KCNA2: variants seen among roughly 807,000 people sequenced by gnomAD.
KCNA2 encodes the protein potassium channel, voltage gated shaker related subfamily A, member 2.
Under a neutral mutation model 33.4 loss-of-function variants are expected in KCNA2, and 11 were observed. That is an observed-to-expected ratio of 0.33 (90% CI 0.21 to 0.55). The LOEUF (loss-of-function observed/expected upper bound fraction) is 0.55, where lower values mean the gene tolerates loss of function less well. Ranked by LOEUF, KCNA2 falls within the 20% of genes least tolerant of loss-of-function variation. The pLI is 0.93. For synonymous variants in KCNA2, 222 were observed against 231.3 expected (o/e 0.96, Z 0.37); for missense variants, 291 against 621.6 (o/e 0.47, Z 5.66).
In KCNA2 at chr1:110,601,259, G is replaced by C; in HGVS notation, c.*2024C>G. 1.0e-6 allele frequency: 1 copy of C among 985,336 alleles called. No homozygotes were observed. Among genetic ancestry groups the C allele is most frequent in the Non-Finnish European group, 1.2e-6 (1 of 829,922 alleles). 61.0% of individuals were successfully genotyped at this position (985,336 alleles called of 1,614,324 possible). A position where few individuals can be genotyped will look rare whatever the true frequency, so the allele number is the denominator to read the frequency against. Reference sequence around the variant, plus strand: ...TCTAGGGACTCCATCACTTAGTCCCGGACTTCAGACATTTCCACATAGAGG... The same window carrying C: ...TCTAGGGACTCCATCACTTAGTCCCCGACTTCAGACATTTCCACATAGAGG... On this transcript the variant is annotated 3_prime_UTR_variant, in exon 3 of 3. Transcript: ENST00000316361.
chr1:110,601,794 ATGTGTGTGTGTGTGTGTGTGTG>A lies in KCNA2; in HGVS notation c.*1467_*1488del, dbSNP rs35728918. The A allele has an allele frequency of 2.4e-6, 2 of 840,440 alleles. No individual in the cohort carries two copies. Among genetic ancestry groups the A allele is most frequent in the Non-Finnish European group, 3.0e-6 (2 of 673,442 alleles). 52.1% of individuals were successfully genotyped at this position (840,440 alleles called of 1,614,324 possible). A position where few individuals can be genotyped will look rare whatever the true frequency, so the allele number is the denominator to read the frequency against. The stretch of plus-strand genomic sequence containing the variant: ...AGAAAATGAATATATATATATATAT[ATGTGTGTGTGTGTGTGTGTGTG>A]TGTGTGTGTGTGTATACATATACAC... On this transcript the variant is annotated 3_prime_UTR_variant, in exon 3 of 3. Coordinates refer to ENST00000316361, the MANE Select transcript of KCNA2 (RefSeq NM_004974.4).
chr1:110,623,923 A>C (rs1271496873), intron 1 of KCNA2, among the ~76,000 whole-genome samples: 2 of 115,014 alleles, frequency 1.7e-5, no homozygotes, highest in Non-Finnish European at 3.2e-5. Context: ...CAGTGAAGCC[A>C]AAAAAAAAAA....
At chr1:110,622,084 T>C (rs368959438) in intron 1 of KCNA2, among the ~76,000 whole-genome samples, 3 of 152,068 alleles carry the variant, frequency 2.0e-5, no homozygotes, top group South Asian at 4.1e-4. Flanking sequence ...TTCATGAACA[T>C]AGACGTACAA....
At position 110,602,055 on chromosome 1, in the gene KCNA2, C is replaced by G. The variant is rs1460773760; in HGVS notation, c.*1228G>C. 6.5e-7 allele frequency: 1 copy of G among 1,550,364 alleles called. No individual in the cohort carries two copies. Among genetic ancestry groups the G allele is most frequent in the African/African-American group, 1.4e-5 (1 of 73,010 alleles). ...CTGCCTGTCATCAGGACCAGATGCC[C>G]TGGTCCACTGTACAGTCATGCCCGC... On this transcript the variant is annotated 3_prime_UTR_variant, in exon 3 of 3. Coordinates refer to ENST00000316361, the MANE Select transcript of KCNA2 (RefSeq NM_004974.4).
intron 1 of KCNA2, among the ~76,000 whole-genome samples, chr1:110,629,991 A>G (rs1364741003): frequency 6.8e-6 from 1 of 147,816 alleles, no homozygotes; most frequent in Non-Finnish European, 1.5e-5. Context: ...GTGAGTTAAC[A>G]TCTCTAAGTG....
In KCNA2 at chr1:110,604,970, CA is replaced by C; in HGVS notation, c.-163-26del. ...GCTGAAAGACAGAGGCAGTTATTGACATGAGGCTACTCAGCATTGGCAGCCT... is the reference window on the plus strand; with the variant it reads ...GCTGAAAGACAGAGGCAGTTATTGACTGAGGCTACTCAGCATTGGCAGCCT... On this transcript the variant is annotated intron_variant, in intron 2 of 2. Coordinates refer to ENST00000316361, the MANE Select transcript of KCNA2 (RefSeq NM_004974.4). The surrounding 1 kb of genome is among the most constrained non-coding windows in gnomAD (Gnocchi z 7.6). The C allele has an allele frequency of 1.6e-6, 1 of 606,378 alleles. No homozygotes were observed. Among genetic ancestry groups the C allele is most frequent in the East Asian group, 2.8e-5 (1 of 35,122 alleles). 37.6% of individuals were successfully genotyped at this position (606,378 alleles called of 1,614,324 possible).
At position 110,603,652 on chromosome 1, in the gene KCNA2, A is replaced by T; in HGVS notation, c.1131T>A (p.Tyr377Ter). The T allele has an allele frequency of 6.2e-7, 1 of 1,614,170 alleles. No homozygotes were observed. Among genetic ancestry groups the T allele is most frequent in the Non-Finnish European group, 8.5e-7 (1 of 1,180,042 alleles). ...CAATGGTAGTCGGAACCATGTCTCCATAGCCTACAGTTGTCATGGAGACGA... is the reference window on the plus strand; with the variant it reads ...CAATGGTAGTCGGAACCATGTCTCCTTAGCCTACAGTTGTCATGGAGACGA... Reference protein sequence around the residue: ...WAVVSMTTVGYGDMVPTTIGG... With the variant: ...WAVVSMTTVG Residue 377 changes from tyrosine to a stop codon, truncating the protein, a stop_gained, in exon 3 of 3, where the codon TAT becomes TAA. Coordinates refer to ENST00000316361, the MANE Select transcript of KCNA2 (RefSeq NM_004974.4). LOFTEE classifies it high-confidence loss of function. The surrounding 1 kb of genome is among the most constrained non-coding windows in gnomAD (Gnocchi z 5.7).
At chr1:110,610,999 T>C (rs1326197701), upstream of KCNA2, among the ~76,000 whole-genome samples, 1 of 147,956 alleles carries the variant, frequency 6.8e-6, no homozygotes, top group Non-Finnish European at 1.5e-5. Flanking sequence ...CCTTGCTTCA[T>C]AGGGCTTAAA....
upstream of KCNA2, among the ~76,000 whole-genome samples, chr1:110,609,394 T>C (rs1649794474): frequency 6.6e-6 from 1 of 152,204 alleles, no homozygotes; most frequent in South Asian, 2.1e-4. Context: ...CATTTAATTC[T>C]CACAGCCCTA....
rs562012993 is a variant in KCNA2, at chr1:110,622,372, A to G, written c.-496+9023T>C. On this transcript the variant is annotated intron_variant, in intron 1 of 4. Coordinates refer to the KCNA2 transcript ENST00000369770. The stretch of plus-strand genomic sequence containing the variant: ...CCTAATAAAATACATCTATAAAAAA[A>G]CCTGTAGCCAACATTATACTTAATG... Among the ~76,000 whole-genome samples the G allele has an allele frequency of 3.9e-5, 6 of 152,270 alleles. No homozygotes were observed. In the East Asian group the frequency reaches 9.6e-4, roughly 24 times the overall value.
chr1:110,603,748 A>G lies in KCNA2; in HGVS notation c.1035T>C (p.Ala345=). The change falls in exon 3 of 3, where the codon GCT becomes GCC. Residue 345 remains alanine (A), a synonymous_variant. Transcript: ENST00000316361. The surrounding 1 kb of genome is among the most constrained non-coding windows in gnomAD (Gnocchi z 5.7). The part of the protein sequence containing the change: ...LFIGVILFSS[A]VYFAEADERE... ...GCTCATCGGCCTCTGCAAAATACAC[A>G]GCACTAGAGAAAAGGATGACCCCTA... is the stretch of plus-strand genomic sequence containing the variant. The G allele has an allele frequency of 6.2e-7, 1 of 1,613,952 alleles. No homozygotes were observed. The highest frequency in any genetic ancestry group is 8.5e-7 in the Non-Finnish European group (1 of 1,180,028).
chr1:110,599,799 A>C lies in KCNA2; in HGVS notation c.*3484T>G. The C allele has an allele frequency of 5.1e-6, 5 of 985,500 alleles. No homozygotes were observed. In the South Asian group the frequency reaches 2.4e-4, roughly 46 times the overall value. The allele number at this position is 985,500 out of a possible 1,614,324, so 61.0% of individuals were successfully genotyped here. ...AGATCCCAGGTGCTGGGAGAAGGGG[A>C]GCCTGGGCTATTGGGTTGTCTGTGC... On this transcript the variant is annotated 3_prime_UTR_variant, in exon 3 of 3. Transcript: ENST00000316361.
chr1:110,622,465 TAA>T (rs1650284614), intron 1 of KCNA2, among the ~76,000 whole-genome samples: 1 of 152,148 alleles, frequency 6.6e-6, no homozygotes, highest in South Asian at 2.1e-4. Flanking sequence ...CATTTCTATT[TAA>T]GATTCTATTG....
At position 110,603,466 on chromosome 1, in the gene KCNA2, T is replaced by C; in HGVS notation, c.1317A>G (p.Pro439=). ...YLQVTSCPKI[P]SSPDLKKSRS... Reference sequence around the variant, plus strand: ...TACTTTTCTTTAGGTCAGGGGAGGATGGGATCTTTGGACAGCTTGTCACTT... The same window carrying C: ...TACTTTTCTTTAGGTCAGGGGAGGACGGGATCTTTGGACAGCTTGTCACTT... Residue 439 remains proline, a synonymous_variant, in exon 3 of 3, where the codon CCA becomes CCG. Transcript: ENST00000316361. The surrounding 1 kb of genome is among the most constrained non-coding windows in gnomAD (Gnocchi z 5.7). 2 of 1,614,072 alleles carry C rather than the reference T, an allele frequency of 1.2e-6. No homozygotes were observed. Among genetic ancestry groups the C allele is most frequent in the Non-Finnish European group, 1.7e-6 (2 of 1,180,004 alleles).
At chr1:110,623,533 G>C (rs1334267990) in intron 1 of KCNA2, among the ~76,000 whole-genome samples, 1 of 152,152 alleles carries the variant, frequency 6.6e-6, no homozygotes, top group Non-Finnish European at 1.5e-5. Flanking sequence ...ATAGATCCAA[G>C]CTAGGAAAAC....
In KCNA2 at chr1:110,595,024, G is replaced by T; in HGVS notation, c.*8259C>A. 1 of 985,322 alleles carries T rather than the reference G, an allele frequency of 1.0e-6. No homozygotes were observed. The highest frequency in any genetic ancestry group is 1.2e-6 in the Non-Finnish European group (1 of 829,928). The allele number at this position is 985,322 out of a possible 1,614,324, so 61.0% of individuals were successfully genotyped here. ...ATTCACTCATACAAACAAGGCATTC[G>T]GTGTCTAGGGAATCATTTTCAAGGA... On this transcript the variant is annotated 3_prime_UTR_variant, in exon 3 of 3. Transcript: ENST00000316361.
rs1412617319 is a variant in KCNA2, at chr1:110,601,814, G to A, written c.*1469C>T. On this transcript the variant is annotated 3_prime_UTR_variant, in exon 3 of 3. Coordinates refer to ENST00000316361, the MANE Select transcript of KCNA2 (RefSeq NM_004974.4). ...TATATATGTGTGTGTGTGTGTGTGT[G>A]TGTGTGTGTGTGTGTATACATATAC... is the stretch of plus-strand genomic sequence containing the variant. 6.6e-5 allele frequency: 86 copies of A among 1,302,282 alleles called. No homozygotes were observed. Among genetic ancestry groups the A allele is most frequent in the Non-Finnish European group, 7.7e-5 (79 of 1,031,586 alleles). 80.7% of individuals were successfully genotyped at this position (1,302,282 alleles called of 1,614,324 possible).
In KCNA2 at chr1:110,595,409, G is replaced by C; in HGVS notation, c.*7874C>G. 2.0e-6 allele frequency: 2 copies of C among 985,428 alleles called. No homozygotes were observed. The highest frequency in any genetic ancestry group is 2.4e-6 in the Non-Finnish European group (2 of 829,940). 61.0% of individuals were successfully genotyped at this position (985,428 alleles called of 1,614,324 possible). On this transcript the variant is annotated 3_prime_UTR_variant, in exon 3 of 3. Transcript: ENST00000316361. ...GCTGGTCATGTCAAGTCTGGGTTAT[G>C]GGCTTCTGCTGCCTGATCACAACTA...
intron 1 of KCNA2, among the ~76,000 whole-genome samples, chr1:110,628,089 G>T (rs1027442999): frequency 3.3e-5 from 5 of 152,168 alleles, no homozygotes; most frequent in Non-Finnish European, 5.9e-5. Flanking sequence ...TTATTGTTTG[G>T]AGATGATGGT....
Sources: gnomAD v4.1 joint callset for allele counts (sites outside exome capture counted in the v4.1 genomes callset) on GRCh38, gnomAD v4.1.1 for gene constraint, Gnocchi (gnomAD v3.1) non-coding constraint, MANE v1.5 for transcripts, NCBI Gene and HGNC (gene_info 2026-07-23, HGNC 2026-07-21) for gene names.